MECOM: variants seen among roughly 807,000 people sequenced by gnomAD.
MECOM encodes the protein MDS1 and EVI1 complex locus.
MECOM carries 13 observed loss-of-function variants against 116.3 expected under a neutral mutation model. The ratio of observed to expected loss-of-function variants is 0.11; its 90% CI spans 0.07 to 0.18. MECOM has a LOEUF of 0.18. Ranked by LOEUF, MECOM falls within the 10% of genes least tolerant of loss-of-function variation. The probability of loss-of-function intolerance (pLI) is 1.00; values close to 1 mark genes in which losing one functional copy is unlikely to be tolerated. For synonymous variants in MECOM, 528 were observed against 535.2 expected (o/e 0.99, Z 0.19); for missense variants, 1,299 against 1,509.0 (o/e 0.86, Z 2.31).
intron 11 of MECOM, 59 bp from the exon 12 acceptor site, chr3:169,101,021 G>C: frequency 8.2e-7 from 1 of 1,215,784 alleles, no homozygotes; most frequent in South Asian, 1.3e-5. Flanking sequence ...TTTCACTCAT[G>C]CCACACAGCA....
intron 1 of MECOM, among the ~76,000 whole-genome samples, chr3:169,395,254 A>G (rs974150615): frequency 9.2e-5 from 14 of 152,210 alleles, no homozygotes; most frequent in South Asian, 8.3e-4. Context: ...CCCAGGATCC[A>G]GCAATGTTTC....
At chr3:169,405,081 A>T (rs1306022311) in intron 1 of MECOM, among the ~76,000 whole-genome samples, 1 of 152,250 alleles carries the variant, frequency 6.6e-6, no homozygotes, top group Non-Finnish European at 1.5e-5. Context: ...CCAGGGGAAG[A>T]TAACAGTTTA....
At chr3:169,392,754 T>TTA (rs1734418003) in intron 1 of MECOM, among the ~76,000 whole-genome samples, 1 of 152,216 alleles carries the variant, frequency 6.6e-6, no homozygotes, top group Non-Finnish European at 1.5e-5. Context: ...CCTCTATCCT[T>TTA]AAGTTTGCTA....
intron 1 of MECOM, among the ~76,000 whole-genome samples, chr3:169,541,123 A>G (rs1186150044): frequency 2.6e-5 from 4 of 152,208 alleles, no homozygotes; most frequent in African/African-American, 4.8e-5. Flanking sequence ...ATAAGCTGGG[A>G]GTCTTATTAA....
chr3:169,122,249 T>C (rs1366401735), intron 6 of MECOM, among the ~76,000 whole-genome samples: 2 of 152,150 alleles, frequency 1.3e-5, no homozygotes, highest in African/African-American at 4.8e-5. Flanking sequence ...GTAACATGAA[T>C]TGGATAAAAT....
chr3:169,656,224 A>C lies in MECOM; in HGVS notation c.37+7112T>G, dbSNP rs368088774. ...ACATATACAACTAATTCATTTAGGC[A>C]GGTTCTTGAACAAGGTTTAGGAAAT... is the stretch of plus-strand genomic sequence containing the variant. On this transcript the variant is annotated intron_variant, in intron 1 of 16. Coordinates refer to ENST00000651503, the MANE Select transcript of MECOM (RefSeq NM_004991.4). Among the ~76,000 whole-genome samples the C allele has an allele frequency of 3.8e-3, 579 of 152,354 alleles. 37 individuals carry two copies. The South Asian group carries it at 0.11, about 29-fold the overall frequency.
At chr3:169,642,753 A>G (rs1577246940) in intron 1 of MECOM, among the ~76,000 whole-genome samples, 1 of 151,934 alleles carries the variant, frequency 6.6e-6, no homozygotes, top group East Asian at 1.9e-4. Context: ...AAAAAAATAG[A>G]AAGTACTCTC....
intron 2 of MECOM, among the ~76,000 whole-genome samples, chr3:169,332,725 T>C (rs1160158690): frequency 6.6e-6 from 1 of 152,200 alleles, no homozygotes; most frequent in Non-Finnish European, 1.5e-5. Context: ...GAATAGACAT[T>C]TTACATTTGT....
At chr3:169,089,965 C>T in intron 15 of MECOM, 35 bp downstream of exon 15, 1 of 1,596,668 alleles carries the variant, frequency 6.3e-7, no homozygotes, top group Non-Finnish European at 8.5e-7. Context: ...TGGATCTACT[C>T]TAGCTTAGTT....
intron 2 of MECOM, chr3:169,147,231 G>A: frequency 1.0e-6 from 1 of 985,624 alleles, no homozygotes; most frequent in Non-Finnish European, 1.2e-6. Context: ...AGCAGGAGGA[G>A]GAGAGTTTGA....
chr3:169,221,401 A>G (rs532716943), intron 2 of MECOM, among the ~76,000 whole-genome samples: 2 of 152,240 alleles, frequency 1.3e-5, no homozygotes, highest in East Asian at 3.9e-4. Flanking sequence ...ACATACTTCT[A>G]TCTGGCTACA....
chr3:169,144,652 C>T (rs571896256), intron 2 of MECOM, among the ~76,000 whole-genome samples: 2 of 152,196 alleles, frequency 1.3e-5, no homozygotes, highest in South Asian at 2.1e-4. Flanking sequence ...GGGAAACTTC[C>T]ATTTTTAAGA....
In MECOM at chr3:169,378,519, A is replaced by C. The variant is rs1320644840; in HGVS notation, c.375+2668T>G. ...AAAGAAAGAAAGAAAGAAAGAAAAG[A>C]AAGAAAGAAAGAAAGAAAGAAAGAA... On this transcript the variant is annotated intron_variant, in intron 2 of 16. Transcript: ENST00000651503. 5.7e-3 allele frequency among the ~76,000 whole-genome samples: 61 copies of C among 10,738 alleles called. 8 individuals carry two copies. Among genetic ancestry groups the C allele is most frequent in the Non-Finnish European group, 7.0e-3 (38 of 5,430 alleles). The allele number at this position is 10,738 out of a possible 152,430, so 7.0% of individuals were successfully genotyped here.
intron 1 of MECOM, among the ~76,000 whole-genome samples, chr3:169,483,482 T>A (rs1444590052): frequency 7.1e-6 from 1 of 141,450 alleles, no homozygotes; most frequent in African/African-American, 2.7e-5. Context: ...CCACGAGAAT[T>A]GAAATTTTTA....
At chr3:169,094,873 A>G (rs1220139093) in intron 13 of MECOM, among the ~76,000 whole-genome samples, 1 of 152,214 alleles carries the variant, frequency 6.6e-6, no homozygotes, top group Non-Finnish European at 1.5e-5. Flanking sequence ...AACATAATCC[A>G]AATAAGGCCA....
At chr3:169,199,260 C>T (rs991180054) in intron 2 of MECOM, among the ~76,000 whole-genome samples, 1 of 152,088 alleles carries the variant, frequency 6.6e-6, no homozygotes, top group African/African-American at 2.4e-5. Context: ...TCTTTCTCTT[C>T]CGTCAGCACC....
At chr3:169,329,637 G>A (rs1462902295) in intron 2 of MECOM, among the ~76,000 whole-genome samples, 1 of 152,102 alleles carries the variant, frequency 6.6e-6, no homozygotes, top group Non-Finnish European at 1.5e-5. Flanking sequence ...TAGTAAAGTT[G>A]AATTTTATAA....
intron 1 of MECOM, among the ~76,000 whole-genome samples, chr3:169,526,444 T>C (rs1757978398): frequency 1.3e-5 from 2 of 152,210 alleles, no homozygotes; most frequent in Admixed American, 1.3e-4. Flanking sequence ...GCAACAAATC[T>C]GTCCACTGAT....
At chr3:169,657,820 C>T (rs1298139921) in intron 1 of MECOM, among the ~76,000 whole-genome samples, 2 of 152,216 alleles carry the variant, frequency 1.3e-5, no homozygotes, top group Admixed American at 1.3e-4. Context: ...GTAGAGACAT[C>T]TCTGAAGTTT....
Sources: allele counts gnomAD v4.1 joint callset (sites outside exome capture counted in the v4.1 genomes callset), GRCh38; gene constraint gnomAD v4.1.1; transcripts MANE v1.5; gene names NCBI Gene and HGNC (gene_info 2026-07-23, HGNC 2026-07-21).